GPC5: variants seen among roughly 807,000 people sequenced by gnomAD.
The protein encoded by GPC5 is glypican-5.
GPC5 carries 47 observed loss-of-function variants against 53.9 expected under a neutral mutation model. The observed-to-expected ratio is 0.87, with a 90% CI of 0.69 to 1.11. The LOEUF is 1.11. Among genes scored for constraint, GPC5 ranks in the 50% most tolerant of loss-of-function variants. The pLI is 0.00. For synonymous variants in GPC5, 286 were observed against 263.3 expected (o/e 1.09, Z -0.84); for missense variants, 748 against 713.1 (o/e 1.05, Z -0.56).
At chr13:91,973,691 G>T (rs1594698419) in intron 6 of GPC5, among the ~76,000 whole-genome samples, 1 of 152,152 alleles carries the variant, frequency 6.6e-6, no homozygotes, top group East Asian at 1.9e-4. Flanking sequence ...TAACAGACAG[G>T]ACCCTCAGCT....
At chr13:92,210,347 G>A (rs911071350) in intron 7 of GPC5, among the ~76,000 whole-genome samples, 1 of 152,130 alleles carries the variant, frequency 6.6e-6, no homozygotes, top group African/African-American at 2.4e-5. Context: ...ATGTTTAAGT[G>A]CCTTAATAGA....
chr13:91,570,111 A>G (rs2031715700), intron 2 of GPC5, among the ~76,000 whole-genome samples: 1 of 152,234 alleles, frequency 6.6e-6, no homozygotes, highest in Non-Finnish European at 1.5e-5. Flanking sequence ...ACATATTTTG[A>G]AAATCTATTG....
intron 2 of GPC5, among the ~76,000 whole-genome samples, chr13:91,453,112 A>G (rs1010562203): frequency 6.6e-6 from 1 of 151,814 alleles, no homozygotes; most frequent in Non-Finnish European, 1.5e-5. Context: ...GGCTAATTAT[A>G]TTTTGATTCC....
intron 2 of GPC5, among the ~76,000 whole-genome samples, chr13:91,508,793 A>G (rs1386520237): frequency 6.6e-6 from 1 of 152,184 alleles, no homozygotes; most frequent in Non-Finnish European, 1.5e-5. Flanking sequence ...AAAAAACTCT[A>G]TGTCAATGTG....
intron 7 of GPC5, among the ~76,000 whole-genome samples, chr13:92,553,441 A>G: frequency 6.6e-6 from 1 of 151,976 alleles, no homozygotes; most frequent in East Asian, 1.9e-4. Context: ...TTTGAGTTGG[A>G]TACCTGGAAG....
chr13:92,420,420 T>C (rs970372247), intron 7 of GPC5, among the ~76,000 whole-genome samples: 20 of 152,164 alleles, frequency 1.3e-4, no homozygotes, highest in Non-Finnish European at 2.6e-4. Context: ...TGTACCATGT[T>C]TTGATACAGG....
At chr13:92,703,792 T>C (rs977772079) in intron 7 of GPC5, among the ~76,000 whole-genome samples, 4 of 151,894 alleles carry the variant, frequency 2.6e-5, no homozygotes, top group African/African-American at 4.8e-5. Flanking sequence ...ACTAGTGTTC[T>C]GTTCAGTAAG....
intron 6 of GPC5, among the ~76,000 whole-genome samples, chr13:92,039,266 G>GT (rs967865198): frequency 9.9e-5 from 15 of 152,168 alleles, no homozygotes; most frequent in Non-Finnish European, 1.9e-4. Flanking sequence ...CTTTTACTGT[G>GT]TTTTTTAAAA....
chr13:91,772,073 A>T (rs2037635085), intron 5 of GPC5, among the ~76,000 whole-genome samples: 1 of 152,198 alleles, frequency 6.6e-6, no homozygotes. Flanking sequence ...TTGTGAGTGG[A>T]ACCGAGCCCA....
chr13:91,750,674 CTTTTTTTT>C (rs752907631), intron 4 of GPC5, among the ~76,000 whole-genome samples: 2 of 82,018 alleles, frequency 2.4e-5, no homozygotes, highest in African/African-American at 1.0e-4. Flanking sequence ...TAGGTAAGTC[CTTTTTTTT>C]TTTTTTTTTT....
intron 2 of GPC5, among the ~76,000 whole-genome samples, chr13:91,569,902 A>G (rs2031706094): frequency 6.6e-6 from 1 of 152,198 alleles, no homozygotes; most frequent in African/African-American, 2.4e-5. Flanking sequence ...CGCCTTCAGA[A>G]ATGTGAGAAA....
At chr13:92,112,139 A>G (rs1387125669) in intron 6 of GPC5, among the ~76,000 whole-genome samples, 1 of 152,150 alleles carries the variant, frequency 6.6e-6, no homozygotes, top group South Asian at 2.1e-4. Context: ...AATTTTGTTG[A>G]AAGAAACAAT....
At chr13:92,002,048 T>C (rs781022983) in intron 6 of GPC5, among the ~76,000 whole-genome samples, 1 of 152,042 alleles carries the variant, frequency 6.6e-6, no homozygotes, top group Non-Finnish European at 1.5e-5. Context: ...CAATTTCTGG[T>C]ACTGACATGA....
At chr13:92,254,640 A>G (rs1158917511) in intron 7 of GPC5, among the ~76,000 whole-genome samples, 1 of 152,286 alleles carries the variant, frequency 6.6e-6, no homozygotes, top group Non-Finnish European at 1.5e-5. Context: ...AAGAGGTTTA[A>G]TTGACTCACA....
chr13:92,188,055 T>C (rs1040134136), intron 7 of GPC5, among the ~76,000 whole-genome samples: 3 of 152,218 alleles, frequency 2.0e-5, no homozygotes, highest in Admixed American at 6.5e-5. Flanking sequence ...CTTTGGCTTT[T>C]TTTTTCTCTC....
At chr13:91,573,014 T>A (rs1374035760) in intron 2 of GPC5, among the ~76,000 whole-genome samples, 1 of 152,146 alleles carries the variant, frequency 6.6e-6, no homozygotes, top group Non-Finnish European at 1.5e-5. Context: ...ATTCAGAACA[T>A]TCTGGCAATA....
At chr13:92,126,244 C>T (rs1052200068) in intron 6 of GPC5, among the ~76,000 whole-genome samples, 15 of 151,964 alleles carry the variant, frequency 9.9e-5, no homozygotes, top group Middle Eastern at 3.2e-3. Flanking sequence ...TGAGCCACCG[C>T]ACCTGGCCAA....
rs1420038569 is a variant in GPC5, at chr13:92,607,506, C to G, written c.1562-258776C>G. Among the ~76,000 whole-genome samples, 7 of 152,010 alleles carry G rather than the reference C, an allele frequency of 4.6e-5. No individual in the cohort carries two copies. The East Asian group carries it at 1.4e-3, about 29-fold the overall frequency. ...TCAATCTCAGACATAAAAATAAGAA[C>G]AGACTTTTTTTCCTTCTCCCTCTAA... On this transcript the variant is annotated intron_variant, in intron 7 of 7. Coordinates refer to ENST00000377067, the MANE Select transcript of GPC5 (RefSeq NM_004466.6).
At chr13:92,787,060 T>C (rs920028367) in intron 7 of GPC5, among the ~76,000 whole-genome samples, 2 of 152,150 alleles carry the variant, frequency 1.3e-5, no homozygotes, top group African/African-American at 4.8e-5. Flanking sequence ...TTCATGCAAG[T>C]AGAAGGGCCT....
Sources: gnomAD v4.1 joint callset for allele counts (sites outside exome capture counted in the v4.1 genomes callset) on GRCh38, gnomAD v4.1.1 for gene constraint, MANE v1.5 for transcripts, NCBI Gene and HGNC (gene_info 2026-07-23, HGNC 2026-07-21) for gene names.